The following PROS1 variants were observed in gnomAD, a reference collection of about 807,000 sequenced individuals.
The protein encoded by PROS1 is protein S, also known as vitamin K-dependent protein S.
A neutral mutation model predicts 75.9 loss-of-function variants in PROS1; 29 were observed. That is an observed-to-expected ratio of 0.38 (90% CI 0.28 to 0.52). The LOEUF is 0.52. Among genes scored for constraint, PROS1 ranks in the 20% least tolerant of loss-of-function variants. The probability of loss-of-function intolerance (pLI) is 0.83; values close to 1 mark genes in which losing one functional copy is unlikely to be tolerated. For synonymous variants in PROS1, 245 were observed against 280.6 expected, an observed-to-expected ratio of 0.87 and a Z score of 1.27; for missense variants, 680 against 810.3, an observed-to-expected ratio of 0.84 and a Z score of 1.95.
intron 1 of PROS1, among the ~76,000 whole-genome samples, chr3:93,931,280 T>C (rs1243168288): frequency 3.3e-5 from 5 of 152,254 alleles, no homozygotes; most frequent in Non-Finnish European, 7.3e-5. Flanking sequence ...TGTATTCTGC[T>C]ACTCAAATGT....
chr3:93,912,938 C>A (rs1708781775), intron 3 of PROS1, among the ~76,000 whole-genome samples: 1 of 152,144 alleles, frequency 6.6e-6, no homozygotes, highest in Non-Finnish European at 1.5e-5. Context: ...GCTCCAGCCC[C>A]CAAAATTCAT....
intron 1 of PROS1, among the ~76,000 whole-genome samples, chr3:93,932,211 T>G (rs1021037685): frequency 1.3e-5 from 2 of 152,244 alleles, no homozygotes; most frequent in African/African-American, 4.8e-5. Flanking sequence ...TTTTACATTA[T>G]CTCCTTTAAT....
chr3:93,935,669 T>G (rs1350277147), intron 1 of PROS1, among the ~76,000 whole-genome samples: 1 of 152,126 alleles, frequency 6.6e-6, no homozygotes, highest in Admixed American at 6.5e-5. Flanking sequence ...CTTTGACTCT[T>G]AGGATATAAT....
intron 12 of PROS1, among the ~76,000 whole-genome samples, chr3:93,879,946 G>A (rs560268735): frequency 3.3e-5 from 5 of 152,136 alleles, no homozygotes; most frequent in African/African-American, 9.6e-5. Flanking sequence ...CTCTATCATT[G>A]CTTTGTTTTC....
chr3:93,917,302 GTTTC>G (rs1338109848), intron 3 of PROS1, among the ~76,000 whole-genome samples: 7 of 152,016 alleles, frequency 4.6e-5, no homozygotes, highest in African/African-American at 1.4e-4. Flanking sequence ...TTTGTTTTTT[GTTTC>G]TTTGTTTTTT....
chr3:93,912,674 T>C (rs962471009), intron 3 of PROS1, among the ~76,000 whole-genome samples: 36 of 152,296 alleles, frequency 2.4e-4, no homozygotes, highest in African/African-American at 8.4e-4. Flanking sequence ...GGAAGTCTGA[T>C]ATCAAGGTGC....
At chr3:93,921,750 T>C (rs1010997122) in intron 3 of PROS1, among the ~76,000 whole-genome samples, 5 of 152,246 alleles carry the variant, frequency 3.3e-5, no homozygotes, top group African/African-American at 1.2e-4. Flanking sequence ...TTGTACTCTA[T>C]GTATTGGCAT....
At position 93,973,661 on chromosome 3, in the gene PROS1, A is replaced by G. The variant is rs1709916517; in HGVS notation, c.76+13T>C. The stretch of plus-strand genomic sequence containing the variant: ...TGCTGGGGAAGGGAGAAGAGACGCT[A>G]TTGATTACTCACAGTTTGCCTCTGA... On this transcript the variant is annotated intron_variant, in intron 1 of 14. Transcript: ENST00000394236. 2 of 1,612,906 alleles carry G rather than the reference A, an allele frequency of 1.2e-6. No homozygotes were observed. The highest frequency in any genetic ancestry group is 2.2e-5 in the East Asian group (1 of 44,858).
rs1208570529 is a variant in PROS1 at position 93,877,028 on chromosome 3, T to C, written c.1808A>G (p.Gln603Arg). The C allele has an allele frequency of 1.2e-6, 2 of 1,614,054 alleles. No individual in the cohort carries two copies. The highest frequency in any genetic ancestry group is 2.7e-5 in the African/African-American group (2 of 75,060). ...CATTGCTTTGTCCAAGACGGCAAGT[T>C]GTCTTTGAAGGTCTTCATGGGAGAT... is the stretch of plus-strand genomic sequence containing the variant. ...ETISHEDLQR[Q>R]LAVLDKAMKA... is the part of the protein sequence containing the mutation. Residue 603 changes from glutamine to arginine, a missense_variant, in exon 14 of 15, where the codon CAA becomes CGA. Physicochemically the swap from Gln to Arg is conservative, Grantham distance 43. Coordinates refer to ENST00000394236, the MANE Select transcript of PROS1 (RefSeq NM_000313.4).
intron 1 of PROS1, among the ~76,000 whole-genome samples, chr3:93,970,356 A>C (rs1236051484): frequency 6.6e-6 from 1 of 152,082 alleles, no homozygotes; most frequent in African/African-American, 2.4e-5. Context: ...TTATTTTTGG[A>C]GACAGGATCT....
chr3:93,887,496 T>C (rs1007678447), intron 10 of PROS1, among the ~76,000 whole-genome samples: 2 of 152,136 alleles, frequency 1.3e-5, no homozygotes, highest in African/African-American at 4.8e-5. Flanking sequence ...GAGCAAACTC[T>C]TCACTCACTA....
intron 9 of PROS1, among the ~76,000 whole-genome samples, chr3:93,895,573 TGC>T (rs1354373740): frequency 6.6e-6 from 1 of 152,206 alleles, no homozygotes; most frequent in African/African-American, 2.4e-5. Flanking sequence ...TAAACATACA[TGC>T]TTATTTAATT....
chr3:93,944,926 TAATAAAGAAGAA>T (rs960214517), intron 1 of PROS1, among the ~76,000 whole-genome samples: 1 of 151,354 alleles, frequency 6.6e-6, no homozygotes, highest in African/African-American at 2.4e-5. Context: ...ATTGCAAGAC[TAATAAAGAAGAA>T]AAGAGAGAAG....
At chr3:93,926,064 A>G (rs1198233442) in intron 2 of PROS1, among the ~76,000 whole-genome samples, 4 of 152,114 alleles carry the variant, frequency 2.6e-5, no homozygotes, top group Admixed American at 2.0e-4. Context: ...TTAGAAATAC[A>G]CACTCAATAT....
chr3:93,887,210 G>A (rs1007290369), intron 10 of PROS1, among the ~76,000 whole-genome samples: 16 of 152,134 alleles, frequency 1.1e-4, no homozygotes, highest in African/African-American at 3.6e-4. Flanking sequence ...GAGCCACCGC[G>A]CCCGGCCCAT....
chr3:93,923,429 G>A (rs1368103880), intron 3 of PROS1, among the ~76,000 whole-genome samples: 1 of 151,834 alleles, frequency 6.6e-6, no homozygotes, highest in Non-Finnish European at 1.5e-5. Context: ...ATATTTAACA[G>A]CCAAATATTG....
At chr3:93,947,034 A>C (rs1416032360) in intron 1 of PROS1, among the ~76,000 whole-genome samples, 1 of 152,202 alleles carries the variant, frequency 6.6e-6, no homozygotes, top group Non-Finnish European at 1.5e-5. Context: ...TCTCAAAAGA[A>C]GACATTTATG....
chr3:93,894,035 G>A (rs980946958), intron 9 of PROS1, among the ~76,000 whole-genome samples: 2 of 152,050 alleles, frequency 1.3e-5, no homozygotes, highest in Admixed American at 6.6e-5. Context: ...CATGATTGAC[G>A]AAAGACAAAC....
At chr3:93,886,223 C>G in intron 11 of PROS1, 113 bp downstream of exon 11, 1 of 905,656 alleles carries the variant, frequency 1.1e-6, no homozygotes, top group Non-Finnish European at 1.8e-6. Context: ...AGTTGTCACA[C>G]TTAGTATGCT....
Sources: gnomAD v4.1 joint callset for allele counts (sites outside exome capture counted in the v4.1 genomes callset) on GRCh38, gnomAD v4.1.1 for gene constraint, MANE v1.5 for transcripts, NCBI Gene and HGNC (gene_info 2026-07-23, HGNC 2026-07-21) for gene names.